MESD: variants seen among roughly 807,000 people sequenced by gnomAD.
MESD encodes LRP chaperone MESD.
A neutral mutation model predicts 12.9 loss-of-function variants in MESD; 7 were observed. That is an observed-to-expected ratio of 0.54 (90% CI 0.31 to 1.02). The LOEUF is 1.02. Among genes scored for constraint, MESD ranks in the 50% least tolerant of loss-of-function variants. MESD has a pLI of 0.05. For missense variants in MESD, 342 were observed against 296.7 expected (o/e 1.15, Z -1.12); for synonymous variants, 126 against 115.6 (o/e 1.09, Z -0.58).
At chr15:80,989,265 C>A (rs1174490754) in intron 1 of MESD, among the ~76,000 whole-genome samples, 1 of 152,186 alleles carries the variant, frequency 6.6e-6, no homozygotes, top group Non-Finnish European at 1.5e-5. Flanking sequence ...AACGCAAAGA[C>A]AACCAGGGCA....
At chr15:80,983,089 A>T (rs1902626485) in intron 1 of MESD, among the ~76,000 whole-genome samples, 1 of 151,990 alleles carries the variant, frequency 6.6e-6, no homozygotes, top group Admixed American at 6.6e-5. Context: ...AAAAAAATTT[A>T]AAAATTAGTC....
At chr15:80,974,680 G>A (rs1396493698), downstream of MESD, among the ~76,000 whole-genome samples, 2 of 149,762 alleles carry the variant, frequency 1.3e-5, no homozygotes, top group Non-Finnish European at 3.0e-5. Flanking sequence ...AATGGGGGAG[G>A]GGGGAGCTGA....
In MESD at chr15:80,989,700, G is replaced by C; in HGVS notation, c.92C>G (p.Ser31Cys). The C allele has an allele frequency of 6.2e-7, 1 of 1,611,808 alleles. No homozygotes were observed. The highest frequency in any genetic ancestry group is 1.7e-5 in the Admixed American group (1 of 60,028). ...LLLLLLPPPG[S>C]CAAEGSPGTP... The stretch of plus-strand genomic sequence containing the variant: ...CCCGGGCGAGCCTTCGGCCGCGCAG[G>C]ACCCAGGCGGTGGTAGCAGTAGCAG... The change falls in exon 1 of 3, where the codon TCC becomes TGC. Residue 31 changes from serine (S) to cysteine (C), a missense_variant. By Grantham distance (112) the Ser-to-Cys change is moderately radical (BLOSUM62 -1). Coordinates refer to ENST00000261758, the MANE Select transcript of MESD (RefSeq NM_015154.3).
chr15:80,972,524 G>A (rs148906205), downstream of MESD, among the ~76,000 whole-genome samples: 1 of 152,190 alleles, frequency 6.6e-6, no homozygotes, highest in African/African-American at 2.4e-5. Flanking sequence ...CAGAGCTGTG[G>A]GTAGAAGTAC....
At chr15:80,985,189 G>C (rs1902695233) in intron 1 of MESD, among the ~76,000 whole-genome samples, 1 of 152,234 alleles carries the variant, frequency 6.6e-6, no homozygotes, top group Non-Finnish European at 1.5e-5. Context: ...AGGAGCATGG[G>C]CTGTGCTGTC....
chr15:80,967,557 T>C (rs1250059224), intron 3 of MESD, among the ~76,000 whole-genome samples: 3 of 152,130 alleles, frequency 2.0e-5, no homozygotes, highest in Admixed American at 6.5e-5. Context: ...TCGTCCAACT[T>C]GGAGCTGAGG....
exon 5 of MESD, chr15:80,948,501 C>G (rs1168447099): frequency 2.2e-6 from 1 of 446,972 alleles, no homozygotes; most frequent in African/African-American, 2.0e-5. Flanking sequence ...CCTAGGAGGT[C>G]TCCTCCCTTA....
At chr15:80,973,528 C>T (rs114729530), downstream of MESD, among the ~76,000 whole-genome samples, 1,872 of 152,074 alleles carry the variant, frequency 0.012, 33 homozygotes, top group African/African-American at 0.043. Flanking sequence ...AACAGAGGCC[C>T]TGTCTCAAAA....
downstream of MESD, among the ~76,000 whole-genome samples, chr15:80,975,319 A>G (rs1179900410): frequency 6.6e-6 from 1 of 151,928 alleles, no homozygotes; most frequent in East Asian, 1.9e-4. Flanking sequence ...CAGGAGTTTG[A>G]GGCTGCAGTG....
At chr15:80,972,737 T>C (rs759789715), downstream of MESD, among the ~76,000 whole-genome samples, 13 of 152,190 alleles carry the variant, frequency 8.5e-5, no homozygotes, top group Admixed American at 5.2e-4. Context: ...AAAACTTCAT[T>C]ACAGGTTGGG....
At position 80,962,978 on chromosome 15, in the gene MESD, T is replaced by A. The variant is rs1267917222; in HGVS notation, c.*289-10682A>T. ...AAGCTAGCAGAAAACAAGAAATAACTAAGATCAGAGCAGAACTGAAGGAGA... is the reference window on the plus strand; with the variant it reads ...AAGCTAGCAGAAAACAAGAAATAACAAAGATCAGAGCAGAACTGAAGGAGA... On this transcript the variant is annotated intron_variant, in intron 3 of 4. Transcript: ENST00000561312. Among the ~76,000 whole-genome samples, 4 of 151,708 alleles carry A rather than the reference T, an allele frequency of 2.6e-5. No homozygotes were observed. In the East Asian group the frequency reaches 5.8e-4, roughly 22 times the overall value.
Position 80,982,043 on chromosome 15 carries a change from A to G in MESD, c.353T>C (p.Val118Ala). Residue 118 changes from valine to alanine, a missense_variant, in exon 2 of 3, where the codon GTC becomes GCC. Coordinates refer to ENST00000261758, the MANE Select transcript of MESD (RefSeq NM_015154.3). ...TKKGKTLMMF[V>A]TVSGSPTEKE... ...CTCAGTAGGGCTTCCTGATACAGTGACAAACATCATGAGAGTCTTCCCTTT... is the reference window on the plus strand; with the variant it reads ...CTCAGTAGGGCTTCCTGATACAGTGGCAAACATCATGAGAGTCTTCCCTTT... 6.2e-7 allele frequency: 1 copy of G among 1,614,186 alleles called. No homozygotes were observed. The highest frequency in any genetic ancestry group is 8.5e-7 in the Non-Finnish European group (1 of 1,180,040).
At chr15:80,966,587 C>T (rs558766993) in intron 3 of MESD, among the ~76,000 whole-genome samples, 3 of 152,332 alleles carry the variant, frequency 2.0e-5, no homozygotes, top group Admixed American at 6.5e-5. Context: ...GCTTCCACCC[C>T]TCCTGCTGTG....
chr15:80,948,712 G>A (rs1901676135), exon 5 of MESD: 3 of 1,580,454 alleles, frequency 1.9e-6, no homozygotes, highest in Non-Finnish European at 2.6e-6. Context: ...GGCGTGGGGG[G>A]CTGGCGATGG....
intron 3 of MESD, among the ~76,000 whole-genome samples, chr15:80,959,899 C>G (rs554793314): frequency 6.6e-6 from 1 of 152,098 alleles, no homozygotes; most frequent in Non-Finnish European, 1.5e-5. Context: ...AAGCCCTGTT[C>G]GTAGTATTTG....
intron 3 of MESD, among the ~76,000 whole-genome samples, chr15:80,959,328 G>A (rs1224046321): frequency 6.6e-6 from 1 of 152,234 alleles, no homozygotes; most frequent in African/African-American, 2.4e-5. Context: ...CTCTGGGTCA[G>A]TGCATTCACT....
intron 3 of MESD, chr15:80,953,065 G>A (rs772820904): frequency 6.6e-6 from 3 of 455,976 alleles, no homozygotes; most frequent in Non-Finnish European, 8.8e-6. Flanking sequence ...TAAGAGAAGG[G>A]CCTTTTGTAA....
chr15:80,986,527 T>C (rs890475417), intron 1 of MESD, among the ~76,000 whole-genome samples: 6 of 152,196 alleles, frequency 3.9e-5, no homozygotes, highest in African/African-American at 1.2e-4. Flanking sequence ...ACCCCATAAA[T>C]ATGTATAATT....
At chr15:80,984,336 G>A (rs1479930553) in intron 1 of MESD, among the ~76,000 whole-genome samples, 1 of 152,138 alleles carries the variant, frequency 6.6e-6, no homozygotes, top group Non-Finnish European at 1.5e-5. Flanking sequence ...CACTTTAGGA[G>A]GTCGAAGCTG....
Sources: allele counts gnomAD v4.1 joint callset (sites outside exome capture counted in the v4.1 genomes callset), GRCh38; gene constraint gnomAD v4.1.1; transcripts MANE v1.5; gene names NCBI Gene and HGNC (gene_info 2026-07-23, HGNC 2026-07-21).